The following ZDHHC2 variants were observed in gnomAD, a reference collection of about 807,000 sequenced individuals.
ZDHHC2 encodes zDHHC palmitoyltransferase 2.
Under a neutral mutation model 55.6 loss-of-function variants are expected in ZDHHC2, and 51 were observed. The ratio of observed to expected loss-of-function variants is 0.92; its 90% CI spans 0.73 to 1.16. ZDHHC2 has a LOEUF of 1.16. Among genes scored for constraint, ZDHHC2 ranks in the 50% most tolerant of loss-of-function variants. The pLI is 0.00. For synonymous variants in ZDHHC2, 199 were observed against 152.9 expected, an observed-to-expected ratio of 1.30 and a Z score of -2.22; for missense variants, 491 against 442.4, an observed-to-expected ratio of 1.11 and a Z score of -0.99.
chr8:17,206,387 G>C lies in ZDHHC2; in HGVS notation c.597+612G>C, dbSNP rs921017651. Among the ~76,000 whole-genome samples, 9 of 152,290 alleles carry C rather than the reference G, an allele frequency of 5.9e-5. No homozygotes were observed. In the East Asian group the frequency reaches 9.6e-4, roughly 16 times the overall value. On this transcript the variant is annotated intron_variant, in intron 7 of 12. Transcript: ENST00000262096. The stretch of plus-strand genomic sequence containing the variant: ...ATAAAACAAGGTTACACACTGATCA[G>C]TTGTCAAAGATGTTGTGACCAGAGG...
chr8:17,207,931 A>T, intron 7 of ZDHHC2, 29 bp from the exon 8 acceptor site: 1 of 1,434,806 alleles, frequency 7.0e-7, no homozygotes, highest in Non-Finnish European at 9.2e-7. Flanking sequence ...CCTTTGACAA[A>T]ACATGTTATT....
intron 3 of ZDHHC2, among the ~76,000 whole-genome samples, chr8:17,186,689 A>G (rs1805727974): frequency 6.6e-6 from 1 of 152,192 alleles, no homozygotes; most frequent in Non-Finnish European, 1.5e-5. Flanking sequence ...GGATGGATGG[A>G]TAGGTAGACA....
At chr8:17,216,294 T>A (rs1307996223) in intron 11 of ZDHHC2, among the ~76,000 whole-genome samples, 1 of 152,198 alleles carries the variant, frequency 6.6e-6, no homozygotes. Context: ...AACAAATGGA[T>A]GATCCTGAGT....
intron 6 of ZDHHC2, among the ~76,000 whole-genome samples, chr8:17,200,317 C>A (rs1806687020): frequency 6.6e-6 from 1 of 152,232 alleles, no homozygotes; most frequent in African/African-American, 2.4e-5. Flanking sequence ...CAGGGGCAAC[C>A]CTCAACCAGT....
At position 17,210,026 on chromosome 8, in the gene ZDHHC2, G is replaced by C; in HGVS notation, c.825G>C (p.Glu275Asp). ...ACATGCGACAAGTTTTTGGTGATGA[G>C]AAGAAGTACTGGTTGCTACCCATTT... ...SKNMRQVFGD[E>D]KKYWLLPIFS... Residue 275 changes from glutamate to aspartate, a missense_variant, in exon 9 of 13, where the codon GAG (glutamate) becomes GAC (aspartate). Physicochemically the swap from Glu to Asp is conservative, Grantham distance 45 (BLOSUM62 2). Coordinates refer to ENST00000262096, the MANE Select transcript of ZDHHC2 (RefSeq NM_016353.5). 6.2e-7 allele frequency: 1 copy of C among 1,607,510 alleles called. No homozygotes were observed. The highest frequency in any genetic ancestry group is 8.5e-7 in the Non-Finnish European group (1 of 1,176,386).
At chr8:17,178,169 C>T (rs1805244392) in intron 1 of ZDHHC2, among the ~76,000 whole-genome samples, 1 of 152,028 alleles carries the variant, frequency 6.6e-6, no homozygotes, top group Non-Finnish European at 1.5e-5. Context: ...ATTTAAGTTA[C>T]CATCAGTTTA....
At chr8:17,208,859 T>C (rs910481115) in intron 8 of ZDHHC2, among the ~76,000 whole-genome samples, 3 of 152,280 alleles carry the variant, frequency 2.0e-5, no homozygotes, top group South Asian at 2.1e-4. Context: ...TAGATTTAAC[T>C]TGTAGCACTG....
intron 3 of ZDHHC2, among the ~76,000 whole-genome samples, chr8:17,187,439 GT>G (rs1343612466): frequency 6.6e-6 from 1 of 151,970 alleles, no homozygotes; most frequent in Non-Finnish European, 1.5e-5. Flanking sequence ...ACTGTAGACT[GT>G]TTACTGAAGT....
intron 10 of ZDHHC2, among the ~76,000 whole-genome samples, chr8:17,211,847 G>A (rs1585738172): frequency 6.6e-6 from 1 of 152,010 alleles, no homozygotes; most frequent in East Asian, 1.9e-4. Context: ...AGAGCTAAAT[G>A]TTTATGGTTT....
chr8:17,176,989 C>A (rs1307860240), intron 1 of ZDHHC2, among the ~76,000 whole-genome samples: 1 of 152,062 alleles, frequency 6.6e-6, no homozygotes, highest in South Asian at 2.1e-4. Flanking sequence ...TCTTGCATGT[C>A]ATTAAATAAG....
intron 1 of ZDHHC2, among the ~76,000 whole-genome samples, chr8:17,158,786 CCTGCCTGGCGCAATGCCTGT>C (rs1244142461): frequency 1.3e-5 from 2 of 152,148 alleles, no homozygotes; most frequent in Non-Finnish European, 1.5e-5. Flanking sequence ...CTTGTCCCTG[CCTGCCTGGCGCAATGCCTGT>C]CTGCCTGGCG....
At chr8:17,173,399 G>C (rs542317742) in intron 1 of ZDHHC2, among the ~76,000 whole-genome samples, 6 of 152,250 alleles carry the variant, frequency 3.9e-5, no homozygotes, top group East Asian at 1.9e-4. Flanking sequence ...CACAAGGCCG[G>C]GTGCGGTGGC....
chr8:17,217,087 G>T, intron 11 of ZDHHC2, 85 bp from the exon 12 acceptor site: 1 of 1,353,438 alleles, frequency 7.4e-7, no homozygotes. Context: ...TCTACCAAGG[G>T]ATTCCTTATT....
At chr8:17,157,774 T>C (rs1023347463) in intron 1 of ZDHHC2, among the ~76,000 whole-genome samples, 7 of 152,330 alleles carry the variant, frequency 4.6e-5, no homozygotes, top group Admixed American at 3.9e-4. Context: ...ATGCTTTCTG[T>C]GTTTGGTGCT....
At chr8:17,192,969 T>A (rs1234533090) in intron 3 of ZDHHC2, among the ~76,000 whole-genome samples, 1 of 152,202 alleles carries the variant, frequency 6.6e-6, no homozygotes, top group South Asian at 2.1e-4. Context: ...TTCTTTTCCA[T>A]TGGTCTATGT....
chr8:17,223,177 A>C lies in ZDHHC2; in HGVS notation c.*2956A>C, dbSNP rs1423798818. On this transcript the variant is annotated 3_prime_UTR_variant, in exon 13 of 13. Transcript: ENST00000262096. Reference sequence around the variant, plus strand: ...ATGTAAACGGGCTCGGCTGATTCTGAAATTGTACTGTATCATTTGGTATTT... The same window carrying C: ...ATGTAAACGGGCTCGGCTGATTCTGCAATTGTACTGTATCATTTGGTATTT... 1 of 151,906 alleles carries C rather than the reference A, an allele frequency of 6.6e-6. No homozygotes were observed. The highest frequency in any genetic ancestry group is 1.5e-5 in the Non-Finnish European group (1 of 67,806). The allele number at this position is 151,906 out of a possible 1,614,324, so 9.4% of individuals were successfully genotyped here.
intron 10 of ZDHHC2, 130 bp from the exon 11 acceptor site, chr8:17,215,107 C>A: frequency 1.4e-6 from 1 of 698,864 alleles, no homozygotes; most frequent in Non-Finnish European, 2.4e-6. Context: ...GTATTCCCCA[C>A]GTTATTTTGG....
intron 6 of ZDHHC2, among the ~76,000 whole-genome samples, chr8:17,199,633 T>G (rs1806622912): frequency 7.6e-5 from 4 of 52,450 alleles, no homozygotes; most frequent in South Asian, 7.2e-4. Context: ...TCCTTTCTTC[T>G]TCTTCTCCTC....
Position 17,164,880 on chromosome 8 carries a change from G to A in ZDHHC2, c.130+8027G>A, listed in dbSNP as rs1804526001. ...AATGGATTTTCATCATATTTGAAGG[G>A]TATGTGACATGGAGTAAGGGTGAGT... On this transcript the variant is annotated intron_variant, in intron 1 of 12. Coordinates refer to ENST00000262096, the MANE Select transcript of ZDHHC2 (RefSeq NM_016353.5). 2.0e-5 allele frequency among the ~76,000 whole-genome samples: 3 copies of A among 152,298 alleles called. No individual in the cohort carries two copies. The South Asian group carries it at 6.2e-4, about 32-fold the overall frequency.
Sources: allele counts gnomAD v4.1 joint callset (sites outside exome capture counted in the v4.1 genomes callset), GRCh38; gene constraint gnomAD v4.1.1; transcripts MANE v1.5; gene names NCBI Gene and HGNC (gene_info 2026-07-23, HGNC 2026-07-21).